The following EPS8 variants were observed in gnomAD, a reference collection of about 807,000 sequenced individuals.
EPS8 encodes the protein EGFR pathway substrate 8, signaling adaptor.
EPS8 carries 42 observed loss-of-function variants against 103.8 expected under a neutral mutation model. The ratio of observed to expected loss-of-function variants is 0.40; its 90% confidence interval spans 0.32 to 0.52. The LOEUF (loss-of-function observed/expected upper bound fraction) is 0.52. Ranked by LOEUF, EPS8 falls within the 20% of genes least tolerant of loss-of-function variation. EPS8 has a pLI of 0.40. For synonymous variants in EPS8, 344 were observed against 344.6 expected (o/e 1.00, Z 0.02); for missense variants, 969 against 1,005.1 (o/e 0.96, Z 0.49).
intron 1 of EPS8, among the ~76,000 whole-genome samples, chr12:15,743,032 TC>T (rs1705253347): frequency 6.6e-6 from 1 of 152,126 alleles, no homozygotes; most frequent in Non-Finnish European, 1.5e-5. Flanking sequence ...CAGCCCAAAA[TC>T]TCCTTAAGCT....
At position 15,706,506 on chromosome 12, in the gene EPS8, AG is replaced by A. The variant is rs1293930645; in HGVS notation, c.-21-23535del. ...AGATTTCTACATTACATGTTTTCAC[AG>A]CACTCTGAAATTCTCTTCATAAATC... is the stretch of plus-strand genomic sequence containing the variant. On this transcript the variant is annotated intron_variant, in intron 1 of 20. Coordinates refer to ENST00000281172, the MANE Select transcript of EPS8 (RefSeq NM_004447.6). This position sits in a 1 kb window ranked among gnomAD's most constrained non-coding sequence, Gnocchi z 5.2. Among the ~76,000 whole-genome samples the A allele has an allele frequency of 6.6e-6, 1 of 152,214 alleles. No homozygotes were observed. Among genetic ancestry groups the A allele is most frequent in the Non-Finnish European group, 1.5e-5 (1 of 68,042 alleles).
chr12:15,642,419 A>T (rs1216411686), intron 15 of EPS8, among the ~76,000 whole-genome samples: 6 of 152,146 alleles, frequency 3.9e-5, no homozygotes, highest in African/African-American at 1.4e-4. Flanking sequence ...TAAGTAAATA[A>T]TTTAATTCAC....
intron 20 of EPS8, 56 bp downstream of exon 20, chr12:15,623,102 T>G: frequency 6.5e-7 from 1 of 1,535,956 alleles, no homozygotes; most frequent in African/African-American, 1.4e-5. Flanking sequence ...CATAAATAGT[T>G]GTTTCCAGAG....
At position 15,670,359 on chromosome 12, in the gene EPS8, C is replaced by T. The variant is rs191251884; in HGVS notation, c.204+497G>A. On this transcript the variant is annotated intron_variant, in intron 4 of 20. Transcript: ENST00000281172. The stretch of plus-strand genomic sequence containing the variant: ...AAGCATGCTTGACATAGGTAGAAAA[C>T]TGAAAATAAGAGCAATTTAAAAATT... Among the ~76,000 whole-genome samples, 80 of 152,146 alleles carry T rather than the reference C, an allele frequency of 5.3e-4. 1 individual carries two copies. Among genetic ancestry groups the T allele is most frequent in the African/African-American group, 1.8e-3 (76 of 41,534 alleles).
In EPS8 at chr12:15,665,881, T is replaced by C. The variant is rs141453361; in HGVS notation, c.611A>G (p.Asn204Ser). 2.4e-5 allele frequency: 38 copies of C among 1,613,802 alleles called. No individual in the cohort carries two copies. In the African/African-American group the frequency reaches 3.7e-4, roughly 16 times the overall value. ...RRPDALRMIS[N>S]ADPSIPPPPR... ...TGGAGGCGGTATACTAGGGTCTGCA[T>C]TGGAAATCATCCTTAAAAAGATGAA... Residue 204 changes from asparagine to serine, a missense_variant, in exon 8 of 21, where the codon AAT becomes AGT. Asn to Ser is a conservative substitution (Grantham distance 46). Coordinates refer to ENST00000281172, the MANE Select transcript of EPS8 (RefSeq NM_004447.6).
At chr12:15,719,457 TAGAA>T (rs1188085557) in intron 1 of EPS8, among the ~76,000 whole-genome samples, 1 of 152,046 alleles carries the variant, frequency 6.6e-6, no homozygotes, top group Non-Finnish European at 1.5e-5. Flanking sequence ...ATAGGAGTGA[TAGAA>T]AGGGCTTGAA....
intron 3 of EPS8, among the ~76,000 whole-genome samples, chr12:15,680,440 C>A (rs1433301870): frequency 6.6e-6 from 1 of 152,130 alleles, no homozygotes; most frequent in Admixed American, 6.5e-5. Flanking sequence ...CATTTCAACC[C>A]TGTGAGATAC....
chr12:15,643,836 G>A (rs1945274498), intron 15 of EPS8, among the ~76,000 whole-genome samples: 1 of 149,720 alleles, frequency 6.7e-6, no homozygotes, highest in Non-Finnish European at 1.5e-5. Context: ...AGGAATAATA[G>A]ATACGCCACT....
chr12:15,628,802 G>A (rs1944993415), intron 18 of EPS8, among the ~76,000 whole-genome samples: 1 of 152,072 alleles, frequency 6.6e-6, no homozygotes, highest in African/African-American at 2.4e-5. Flanking sequence ...CAGAAGTTTA[G>A]GCAGTAAGCA....
In EPS8 at chr12:15,751,547, C is replaced by A. The variant is rs1448629204; in HGVS notation, c.-22+37614G>T. Among the ~76,000 whole-genome samples the A allele has an allele frequency of 2.6e-5, 4 of 152,070 alleles. No homozygotes were observed. Among genetic ancestry groups the A allele is most frequent in the South Asian group, 4.1e-4 (2 of 4,820 alleles). The stretch of plus-strand genomic sequence containing the variant: ...AAACCGGTCAATTAGTGTGCCTCCA[C>A]AAACACTTATTCAACAAATATTTAA... On this transcript the variant is annotated intron_variant, in intron 1 of 20. Coordinates refer to ENST00000281172, the MANE Select transcript of EPS8 (RefSeq NM_004447.6). The surrounding 1 kb of genome is among the most constrained non-coding windows in gnomAD (Gnocchi z 4.3).
chr12:15,687,071 T>C (rs895530180), intron 1 of EPS8, among the ~76,000 whole-genome samples: 3 of 152,082 alleles, frequency 2.0e-5, no homozygotes, highest in Non-Finnish European at 2.9e-5. Context: ...AAACTTAATT[T>C]CCACCAATAC....
intron 1 of EPS8, among the ~76,000 whole-genome samples, chr12:15,726,046 G>T (rs1946649340): frequency 6.6e-6 from 1 of 152,092 alleles, no homozygotes; most frequent in Admixed American, 6.6e-5. Context: ...TAATATGATG[G>T]CTAGTTATCA....
rs1361573514 is a variant in EPS8 at position 15,752,219 on chromosome 12, A to G, written c.-22+36942T>C. The stretch of plus-strand genomic sequence containing the variant: ...TCCCAGCACTTTGGGAGGCCGAGGC[A>G]GGCGGATCACGAGGTCAGGAGATCG... On this transcript the variant is annotated intron_variant, in intron 1 of 20. Coordinates refer to ENST00000281172, the MANE Select transcript of EPS8 (RefSeq NM_004447.6). The surrounding 1 kb of genome is among the most constrained non-coding windows in gnomAD (Gnocchi z 4.4). Among the ~76,000 whole-genome samples the G allele has an allele frequency of 2.6e-5, 4 of 152,062 alleles. No individual in the cohort carries two copies. Among genetic ancestry groups the G allele is most frequent in the Non-Finnish European group, 5.9e-5 (4 of 67,978 alleles).
chr12:15,783,412 A>C (rs1947279454), intron 1 of EPS8, among the ~76,000 whole-genome samples: 1 of 152,168 alleles, frequency 6.6e-6, no homozygotes, highest in African/African-American at 2.4e-5. Flanking sequence ...AAAATTTCTG[A>C]CTGTGCAGGG....
Position 15,751,947 on chromosome 12 carries a change from A to C in EPS8, c.-22+37214T>G, listed in dbSNP as rs931246695. ...GAGAGCCAGAAAAGTGTAGAAAATC[A>C]AGGAGGATTAAGAGATTCTGGGCAG... On this transcript the variant is annotated intron_variant, in intron 1 of 20. Transcript: ENST00000281172. The surrounding 1 kb of genome is among the most constrained non-coding windows in gnomAD (Gnocchi z 4.3). Among the ~76,000 whole-genome samples the C allele has an allele frequency of 1.3e-5, 2 of 152,132 alleles. No individual in the cohort carries two copies. The highest frequency in any genetic ancestry group is 4.1e-4 in the South Asian group (2 of 4,824).
rs1947046805 is a variant in EPS8, at chr12:15,761,981, AAAGTG to A, written c.-22+27175_-22+27179del. 6.6e-6 allele frequency among the ~76,000 whole-genome samples: 1 copy of A among 151,762 alleles called. No homozygotes were observed. Among genetic ancestry groups the A allele is most frequent in the Non-Finnish European group, 1.5e-5 (1 of 68,022 alleles). On this transcript the variant is annotated intron_variant, in intron 1 of 20. Coordinates refer to ENST00000281172, the MANE Select transcript of EPS8 (RefSeq NM_004447.6). This position sits in a 1 kb window ranked among gnomAD's most constrained non-coding sequence, Gnocchi z 4.5. Reference sequence around the variant, plus strand: ...CCTTCTGAATAGCAAATGAAACAACAAAGTGAAGAGACAACCCACAGAATCAGAGA... The same window carrying A: ...CCTTCTGAATAGCAAATGAAACAACAAAGAGACAACCCACAGAATCAGAGA...
At chr12:15,788,791 A>T (rs1374694688) in intron 1 of EPS8, among the ~76,000 whole-genome samples, 2 of 152,136 alleles carry the variant, frequency 1.3e-5, no homozygotes, top group Non-Finnish European at 2.9e-5. Flanking sequence ...CTAACGTAAT[A>T]AGCCGAGATC....
chr12:15,628,236 C>T (rs1944983395), intron 18 of EPS8, among the ~76,000 whole-genome samples: 1 of 152,088 alleles, frequency 6.6e-6, no homozygotes. Context: ...CATATGAGTG[C>T]ATCTCAAAAG....
chr12:15,696,152 G>A lies in EPS8; in HGVS notation c.-21-13180C>T, dbSNP rs928647599. ...TGCATTTATTGAAAGTGTTTTTAAT[G>A]TTTCAAGACAAGGTGAAACAGTACT... is the stretch of plus-strand genomic sequence containing the variant. On this transcript the variant is annotated intron_variant, in intron 1 of 20. Coordinates refer to ENST00000281172, the MANE Select transcript of EPS8 (RefSeq NM_004447.6). This position sits in a 1 kb window ranked among gnomAD's most constrained non-coding sequence, Gnocchi z 4.8. 1.3e-5 allele frequency among the ~76,000 whole-genome samples: 2 copies of A among 152,164 alleles called. No homozygotes were observed. The highest frequency in any genetic ancestry group is 2.4e-5 in the African/African-American group (1 of 41,528).
Sources: gnomAD v4.1 joint callset for allele counts (sites outside exome capture counted in the v4.1 genomes callset) on GRCh38, gnomAD v4.1.1 for gene constraint, Gnocchi (gnomAD v3.1) non-coding constraint, MANE v1.5 for transcripts, NCBI Gene and HGNC (gene_info 2026-07-23, HGNC 2026-07-21) for gene names.